RBMS3: variants seen among roughly 807,000 people sequenced by gnomAD.
RBMS3 encodes the protein RNA-binding motif, single-stranded-interacting protein 3.
RBMS3 carries 27 observed loss-of-function variants against 66.8 expected under a neutral mutation model. The ratio of observed to expected loss-of-function variants is 0.40; its 90% CI spans 0.30 to 0.56. The LOEUF is 0.56. Ranked by LOEUF, RBMS3 falls within the 20% of genes least tolerant of loss-of-function variation. The pLI, the probability that RBMS3 is intolerant of heterozygous loss-of-function variation, is 0.40. For missense variants in RBMS3, 513 were observed against 549.5 expected (o/e 0.93, Z 0.66); for synonymous variants, 188 against 183.0 (o/e 1.03, Z -0.22).
At chr3:29,332,385 C>A (rs1239190855) in intron 1 of RBMS3, among the ~76,000 whole-genome samples, 1 of 151,908 alleles carries the variant, frequency 6.6e-6, no homozygotes, top group South Asian at 2.1e-4. Flanking sequence ...TTTTTCAGTT[C>A]TCTCTCTCTT....
intron 1 of RBMS3, among the ~76,000 whole-genome samples, chr3:29,334,341 T>G (rs895161161): frequency 4.6e-5 from 7 of 152,206 alleles, no homozygotes; most frequent in Non-Finnish European, 8.8e-5. Context: ...AAGAGGTTAG[T>G]TTGCTTAAAT....
chr3:29,885,360 C>A (rs2059845828), intron 8 of RBMS3, among the ~76,000 whole-genome samples: 1 of 151,620 alleles, frequency 6.6e-6, no homozygotes, highest in South Asian at 2.1e-4. Context: ...TACTTATTTC[C>A]AACAAAATTC....
intron 3 of RBMS3, among the ~76,000 whole-genome samples, chr3:29,495,090 T>TATTC (rs1243248351): frequency 1.4e-5 from 2 of 147,704 alleles, no homozygotes; most frequent in Non-Finnish European, 3.1e-5. Context: ...CCATGAAGGA[T>TATTC]ATTCATTCAT....
At chr3:29,306,726 C>A (rs1316732088) in intron 1 of RBMS3, among the ~76,000 whole-genome samples, 1 of 151,810 alleles carries the variant, frequency 6.6e-6, no homozygotes, top group East Asian at 2.0e-4. Context: ...AGCCTCCCTG[C>A]AGAGGCTCCC....
At chr3:29,398,410 C>A (rs1292577605) in intron 1 of RBMS3, among the ~76,000 whole-genome samples, 6 of 152,120 alleles carry the variant, frequency 3.9e-5, no homozygotes, top group Admixed American at 3.9e-4. Context: ...TCTCTCTGGT[C>A]ATCAGGAAGG....
chr3:29,351,718 A>G (rs1303690814), intron 1 of RBMS3, among the ~76,000 whole-genome samples: 1 of 152,114 alleles, frequency 6.6e-6, no homozygotes, highest in East Asian at 1.9e-4. Flanking sequence ...AGTTTAAAAT[A>G]TATGTATAAT....
At position 29,449,040 on chromosome 3, in the gene RBMS3, T is replaced by G. The variant is rs565393475; in HGVS notation, c.248+14125T>G. Among the ~76,000 whole-genome samples, 120 of 152,290 alleles carry G rather than the reference T, an allele frequency of 7.9e-4. 1 individual carries two copies. Among genetic ancestry groups the G allele is most frequent in the African/African-American group, 2.9e-3 (119 of 41,568 alleles). On this transcript the variant is annotated intron_variant, in intron 2 of 14. Transcript: ENST00000383767. ...CTGGACTTGGGTACTTCAGTCTTGG[T>G]GGATGTAAGGAGAGAAGAAAAATTA... is the stretch of plus-strand genomic sequence containing the variant.
rs546532316 is a variant in RBMS3, at chr3:29,522,172, G to A, written c.307+33673G>A. ...AGCAATCCAGAGGTTAGGATAACAGGGAACACTGGCCCACCTAGTTTTTTG... is the reference window on the plus strand; with the variant it reads ...AGCAATCCAGAGGTTAGGATAACAGAGAACACTGGCCCACCTAGTTTTTTG... On this transcript the variant is annotated intron_variant, in intron 3 of 14. Transcript: ENST00000383767. Among the ~76,000 whole-genome samples, 11 of 152,076 alleles carry A rather than the reference G, an allele frequency of 7.2e-5. No homozygotes were observed. The South Asian group carries it at 8.3e-4, about 11-fold the overall frequency.
intron 1 of RBMS3, among the ~76,000 whole-genome samples, chr3:29,414,781 G>A (rs1315458182): frequency 6.6e-6 from 1 of 152,166 alleles, no homozygotes; most frequent in Admixed American, 6.5e-5. Context: ...GGCAAAATAT[G>A]AGAAAGACTA....
At chr3:29,768,977 T>G (rs2149391713) in intron 6 of RBMS3, among the ~76,000 whole-genome samples, 1 of 152,090 alleles carries the variant, frequency 6.6e-6, no homozygotes, top group East Asian at 1.9e-4. Flanking sequence ...AGGGAACTAC[T>G]TTTTGATTTA....
intron 4 of RBMS3, among the ~76,000 whole-genome samples, chr3:29,683,611 C>T (rs184156336): frequency 1.3e-5 from 2 of 152,288 alleles, no homozygotes; most frequent in Admixed American, 1.3e-4. Flanking sequence ...CACACAAACA[C>T]ACCACCTCCT....
intron 12 of RBMS3, 68 bp from the exon 13 acceptor site, chr3:29,988,075 G>C: frequency 7.9e-7 from 1 of 1,268,868 alleles, no homozygotes; most frequent in Non-Finnish European, 1.1e-6. Flanking sequence ...AGTCTCCTGT[G>C]GTATTTAATA....
At chr3:29,332,230 C>T (rs12488752) in intron 1 of RBMS3, among the ~76,000 whole-genome samples, 14,431 of 152,100 alleles carry the variant, frequency 0.095, 891 homozygotes, top group Non-Finnish European at 0.14. Context: ...CAGTGAATAT[C>T]GGAATATCAG....
In RBMS3 at chr3:29,814,462, C is replaced by T. The variant is rs1576886218; in HGVS notation, c.637+51473C>T. Among the ~76,000 whole-genome samples, 5 of 152,060 alleles carry T rather than the reference C, an allele frequency of 3.3e-5. No individual in the cohort carries two copies. In the South Asian group the frequency reaches 1.0e-3, roughly 31 times the overall value. On this transcript the variant is annotated intron_variant, in intron 6 of 14. Coordinates refer to ENST00000383767, the MANE Select transcript of RBMS3 (RefSeq NM_001003793.3). ...ATTCTCTTTTTTGGTTGTGTCTCTG[C>T]CAGGCTTTGGTATCAGGATGATGCT...
At chr3:29,740,049 T>A in intron 5 of RBMS3, 172 bp downstream of exon 5, 1 of 476,392 alleles carries the variant, frequency 2.1e-6, no homozygotes, top group Non-Finnish European at 3.6e-6. Flanking sequence ...GCTAAATAAT[T>A]TCAATGTAAT....
intron 6 of RBMS3, among the ~76,000 whole-genome samples, chr3:29,769,883 G>A (rs2056122628): frequency 6.6e-6 from 1 of 151,852 alleles, no homozygotes; most frequent in Non-Finnish European, 1.5e-5. Flanking sequence ...ATTTTTAAAT[G>A]TTTTAATTAA....
At chr3:29,552,893 G>A (rs747856102) in intron 3 of RBMS3, among the ~76,000 whole-genome samples, 6 of 152,142 alleles carry the variant, frequency 3.9e-5, no homozygotes, top group Non-Finnish European at 7.4e-5. Flanking sequence ...TCTAGAGATA[G>A]TAAATGGTAG....
intron 1 of RBMS3, among the ~76,000 whole-genome samples, chr3:29,320,402 T>A (rs938949024): frequency 7.9e-5 from 12 of 152,050 alleles, no homozygotes; most frequent in African/African-American, 2.9e-4. Flanking sequence ...AAAGGAGCCA[T>A]TGACTGAGTA....
chr3:29,284,857 TTTTTC>T (rs1417758421), intron 1 of RBMS3, among the ~76,000 whole-genome samples: 1 of 84,532 alleles, frequency 1.2e-5, no homozygotes, highest in Non-Finnish European at 2.3e-5. Context: ...TTTTGATGAA[TTTTTC>T]TTTTTTTTTT....
Sources: gnomAD v4.1 joint callset for allele counts (sites outside exome capture counted in the v4.1 genomes callset) on GRCh38, gnomAD v4.1.1 for gene constraint, MANE v1.5 for transcripts, NCBI Gene and HGNC (gene_info 2026-07-23, HGNC 2026-07-21) for gene names.